Variants in PROS1 observed in about 807,000 individuals in gnomAD.
PROS1 encodes the protein vitamin K-dependent protein S.
A neutral mutation model predicts 75.9 loss-of-function variants in PROS1; 29 were observed. The observed-to-expected ratio is 0.38, with a 90% CI of 0.28 to 0.52. The LOEUF (loss-of-function observed/expected upper bound fraction) is 0.52. Ranked by LOEUF, PROS1 falls within the 20% of genes least tolerant of loss-of-function variation. The pLI, the probability that PROS1 is intolerant of heterozygous loss-of-function variation, is 0.83. For missense variants in PROS1, 680 were observed against 810.3 expected, an observed-to-expected ratio of 0.84 and a Z score of 1.95; for synonymous variants, 245 against 280.6, an observed-to-expected ratio of 0.87 and a Z score of 1.27.
rs778839737 is a variant in PROS1, at chr3:93,927,211, T to C, written c.234+39A>G. The C allele has an allele frequency of 3.7e-6, 6 of 1,610,904 alleles. No individual in the cohort carries two copies. In the South Asian group the frequency reaches 4.4e-5, roughly 12 times the overall value. On this transcript the variant is annotated intron_variant, in intron 2 of 14. Transcript: ENST00000394236. ...GAAATGTTCAGTCTGTAGTTGTATGTCTAGATGTGTGAACTTGATAGTTTC... is the reference window on the plus strand; with the variant it reads ...GAAATGTTCAGTCTGTAGTTGTATGCCTAGATGTGTGAACTTGATAGTTTC...
At chr3:93,894,470 T>C (rs1359299087) in intron 9 of PROS1, among the ~76,000 whole-genome samples, 1 of 152,154 alleles carries the variant, frequency 6.6e-6, no homozygotes, top group Non-Finnish European at 1.5e-5. Context: ...CTTGCCAAAA[T>C]CCAAATCTGT....
chr3:93,876,698 G>A (rs1708194612), intron 14 of PROS1, among the ~76,000 whole-genome samples: 2 of 147,294 alleles, frequency 1.4e-5, no homozygotes, highest in Non-Finnish European at 3.0e-5. Context: ...TAAGACTATT[G>A]TGATGATGAA....
At chr3:93,959,695 G>T (rs764084006) in intron 1 of PROS1, among the ~76,000 whole-genome samples, 39 of 152,178 alleles carry the variant, frequency 2.6e-4, no homozygotes, top group Non-Finnish European at 4.9e-4. Flanking sequence ...AAGTCCCCAG[G>T]TAAACCTGAT....
At chr3:93,878,189 A>G (rs1708219169) in intron 13 of PROS1, among the ~76,000 whole-genome samples, 1 of 152,230 alleles carries the variant, frequency 6.6e-6, no homozygotes, top group Non-Finnish European at 1.5e-5. Flanking sequence ...GTTTAAGATA[A>G]GAATTCCATT....
intron 11 of PROS1, 77 bp downstream of exon 11, chr3:93,886,259 C>T: frequency 7.4e-7 from 1 of 1,349,328 alleles, no homozygotes; most frequent in Non-Finnish European, 1.1e-6. Context: ...TATTGATTCT[C>T]AGAAACACAC....
chr3:93,902,821 C>T (rs1482662991), intron 6 of PROS1, among the ~76,000 whole-genome samples: 1 of 151,924 alleles, frequency 6.6e-6, no homozygotes, highest in Non-Finnish European at 1.5e-5. Context: ...CAGTTACTGG[C>T]AACTGGATCC....
chr3:93,947,286 A>T (rs1709418764), intron 1 of PROS1, among the ~76,000 whole-genome samples: 1 of 152,212 alleles, frequency 6.6e-6, no homozygotes, highest in African/African-American at 2.4e-5. Flanking sequence ...ATCTGGAATC[A>T]ACAGATGCTG....
intron 1 of PROS1, among the ~76,000 whole-genome samples, chr3:93,949,719 T>C (rs1239106526): frequency 6.6e-6 from 1 of 150,814 alleles, no homozygotes; most frequent in Non-Finnish European, 1.5e-5. Flanking sequence ...GAGAAAGGAG[T>C]TCCAAGATGG....
chr3:93,911,338 C>T (rs1219507611), intron 3 of PROS1, among the ~76,000 whole-genome samples: 1 of 152,082 alleles, frequency 6.6e-6, no homozygotes, highest in Non-Finnish European at 1.5e-5. Context: ...GTGACTTTAA[C>T]GTAACTAGGA....
chr3:93,927,137 A>G (rs61519199), intron 2 of PROS1, 113 bp downstream of exon 2: 2 of 1,357,974 alleles, frequency 1.5e-6, no homozygotes, highest in Admixed American at 3.5e-5. Flanking sequence ...GTGGAAGGTG[A>G]TACACAGAAT....
In PROS1 at chr3:93,874,111, C is replaced by A. The variant is rs1708147656; in HGVS notation, c.*134G>T. On this transcript the variant is annotated 3_prime_UTR_variant, in exon 15 of 15. Transcript: ENST00000394236. ...CAGAATTTTTTTCCTTGACAAAGGA[C>A]CTTTTAAAAATCCCAGGAAAGGACC... 1 of 1,053,662 alleles carries A rather than the reference C, an allele frequency of 9.5e-7. No individual in the cohort carries two copies. Among genetic ancestry groups the A allele is most frequent in the African/African-American group, 1.6e-5 (1 of 62,472 alleles). The allele number at this position is 1,053,662 out of a possible 1,614,324, so 65.3% of individuals were successfully genotyped here.
intron 1 of PROS1, among the ~76,000 whole-genome samples, chr3:93,963,782 G>A (rs1300476936): frequency 6.6e-6 from 1 of 152,062 alleles, no homozygotes; most frequent in Non-Finnish European, 1.5e-5. Context: ...TCATCACCTA[G>A]GGGCTGGTGC....
chr3:93,875,274 T>G (rs1708165234), intron 14 of PROS1, among the ~76,000 whole-genome samples: 1 of 152,096 alleles, frequency 6.6e-6, no homozygotes, highest in Admixed American at 6.6e-5. Flanking sequence ...TCATTTCTCT[T>G]GGGTTTTAGT....
intron 12 of PROS1, among the ~76,000 whole-genome samples, chr3:93,883,282 A>G (rs1708298445): frequency 6.6e-6 from 1 of 152,162 alleles, no homozygotes; most frequent in Non-Finnish European, 1.5e-5. Context: ...TGGAGGGAAT[A>G]CATAAAACTG....
intron 1 of PROS1, chr3:93,968,167 T>A: frequency 6.6e-6 from 1 of 152,222 alleles, no homozygotes; most frequent in African/African-American, 2.4e-5. Context: ...AATTCCCTAG[T>A]ACCTGTAAAT....
At chr3:93,913,916 A>G (rs1479080879) in intron 3 of PROS1, among the ~76,000 whole-genome samples, 1 of 152,242 alleles carries the variant, frequency 6.6e-6, no homozygotes, top group African/African-American at 2.4e-5. Flanking sequence ...AAGGAAAAAC[A>G]GGTAAGAACA....
intron 1 of PROS1, among the ~76,000 whole-genome samples, chr3:93,929,210 G>T (rs1335970682): frequency 6.6e-6 from 1 of 152,196 alleles, no homozygotes; most frequent in Non-Finnish European, 1.5e-5. Context: ...AGGCACGGTG[G>T]CTCATGCCTG....
chr3:93,947,475 G>A (rs1709422580), intron 1 of PROS1, among the ~76,000 whole-genome samples: 1 of 152,076 alleles, frequency 6.6e-6, no homozygotes, highest in Admixed American at 6.6e-5. Context: ...TCCCTCTGTG[G>A]ATCTGGGATG....
chr3:93,938,316 G>A (rs1709221967), intron 1 of PROS1, among the ~76,000 whole-genome samples: 1 of 151,838 alleles, frequency 6.6e-6, no homozygotes, highest in African/African-American at 2.4e-5. Context: ...CTATAAAACG[G>A]CCCCACCCCT....
Sources: allele counts gnomAD v4.1 joint callset (sites outside exome capture counted in the v4.1 genomes callset), GRCh38; gene constraint gnomAD v4.1.1; transcripts MANE v1.5; gene names NCBI Gene and HGNC (gene_info 2026-07-23, HGNC 2026-07-21).